SLC37A3: variants seen among roughly 807,000 people sequenced by gnomAD.
SLC37A3 encodes solute carrier family 37 member 3, also known as sugar phosphate exchanger 3.
SLC37A3 carries 51 observed loss-of-function variants against 67.1 expected under a neutral mutation model. That is an observed-to-expected ratio of 0.76 (90% confidence interval 0.61 to 0.96). SLC37A3 has a LOEUF of 0.96. SLC37A3 is among the 40% of genes least tolerant of loss of function. SLC37A3 has a pLI of 0.00. For synonymous variants in SLC37A3, 214 were observed against 231.4 expected (o/e 0.92, Z 0.68); for missense variants, 508 against 603.0 (o/e 0.84, Z 1.65).
chr7:140,347,208 G>A (rs1796597438), intron 10 of SLC37A3, among the ~76,000 whole-genome samples: 1 of 145,690 alleles, frequency 6.9e-6, no homozygotes, highest in Admixed American at 7.0e-5. Flanking sequence ...CCAAGATCGT[G>A]CCACTCCAGC....
chr7:140,353,354 A>G (rs1354144660), intron 7 of SLC37A3, among the ~76,000 whole-genome samples: 1 of 151,818 alleles, frequency 6.6e-6, no homozygotes, highest in Admixed American at 6.6e-5. Context: ...GTGGTGGCGT[A>G]CACCTGTAAT....
chr7:140,382,055 A>T (rs1470395946), intron 2 of SLC37A3, among the ~76,000 whole-genome samples: 1 of 151,902 alleles, frequency 6.6e-6, no homozygotes, highest in African/African-American at 2.4e-5. Context: ...TTAAAAAAAA[A>T]AAAGTACAAA....
At chr7:140,364,760 C>T (rs142417900) in intron 4 of SLC37A3, among the ~76,000 whole-genome samples, 8 of 151,094 alleles carry the variant, frequency 5.3e-5, no homozygotes, top group Non-Finnish European at 1.0e-4. Context: ...GCAGCGGGCA[C>T]ACTCTACCAC....
At chr7:140,377,221 T>G (rs1000332899) in intron 3 of SLC37A3, among the ~76,000 whole-genome samples, 144 of 151,296 alleles carry the variant, frequency 9.5e-4, no homozygotes, top group Non-Finnish European at 1.7e-3. Context: ...TTTTTTTTTT[T>G]GTTTTGTTTT....
intron 4 of SLC37A3, among the ~76,000 whole-genome samples, chr7:140,369,064 C>CA (rs1211280831): frequency 6.6e-6 from 1 of 152,064 alleles, no homozygotes; most frequent in Non-Finnish European, 1.5e-5. Context: ...CCAAAGGTAC[C>CA]AAAACCCTAC....
chr7:140,358,985 C>CAG (rs1007800685), intron 5 of SLC37A3, among the ~76,000 whole-genome samples, 200 bp from the exon 6 acceptor site: 1 of 152,108 alleles, frequency 6.6e-6, no homozygotes, highest in African/African-American at 2.4e-5. Context: ...CACTGCCCAC[C>CAG]AGAGAGGAGG....
chr7:140,393,537 T>C (rs1448841299), intron 1 of SLC37A3, among the ~76,000 whole-genome samples: 4 of 152,128 alleles, frequency 2.6e-5, no homozygotes, highest in Non-Finnish European at 4.4e-5. Flanking sequence ...CCATCAAGCC[T>C]CCTCTTGCTT....
intron 1 of SLC37A3, among the ~76,000 whole-genome samples, chr7:140,390,002 T>C (rs1798662386): frequency 6.6e-6 from 1 of 151,942 alleles, no homozygotes; most frequent in African/African-American, 2.4e-5. Context: ...GGCAGGAGGA[T>C]CACTTGAGGC....
chr7:140,351,520 T>C, intron 8 of SLC37A3, 69 bp from the exon 9 acceptor site: 1 of 1,434,902 alleles, frequency 7.0e-7, no homozygotes, highest in Non-Finnish European at 9.5e-7. Context: ...CATACATCCC[T>C]ACTTATGAGG....
intron 13 of SLC37A3, among the ~76,000 whole-genome samples, chr7:140,338,057 AT>A (rs1459000522): frequency 6.6e-6 from 1 of 151,714 alleles, no homozygotes; most frequent in African/African-American, 2.4e-5. Context: ...CACCCGGCCA[AT>A]TTTTTGTATT....
At chr7:140,397,148 C>T (rs1798967017) in intron 1 of SLC37A3, among the ~76,000 whole-genome samples, 1 of 138,974 alleles carries the variant, frequency 7.2e-6, no homozygotes, top group South Asian at 2.5e-4. Context: ...TGCAGTGAGC[C>T]GAGATGGTGC....
intron 3 of SLC37A3, among the ~76,000 whole-genome samples, chr7:140,373,680 T>C (rs1035320393): frequency 9.8e-6 from 1 of 101,744 alleles, no homozygotes; most frequent in East Asian, 2.6e-4. Context: ...TTTTTTTCTT[T>C]TTTTTTTTTT....
Position 140,369,665 on chromosome 7 carries a change from A to G in SLC37A3, c.216T>C (p.His72=). Residue 72 remains histidine (H), a synonymous_variant, in exon 4 of 15, where the codon CAT becomes CAC. Coordinates refer to ENST00000326232, the MANE Select transcript of SLC37A3 (RefSeq NM_207113.3). The stretch of plus-strand genomic sequence containing the variant: ...TCGCTTTCTCTGCACTGGGGAACAA[A>G]TGGTTGCTGCTCCAGATCTACAGTA... The part of the protein sequence containing the change: ...ELPVEIWSSN[H]LFPSAEKATL... 1 of 1,613,996 alleles carries G rather than the reference A, an allele frequency of 6.2e-7. No individual in the cohort carries two copies. The highest frequency in any genetic ancestry group is 8.5e-7 in the Non-Finnish European group (1 of 1,179,980).
intron 3 of SLC37A3, among the ~76,000 whole-genome samples, chr7:140,372,230 A>G (rs958689974): frequency 6.6e-6 from 1 of 152,206 alleles, no homozygotes; most frequent in Non-Finnish European, 1.5e-5. Context: ...CCCTGAGGGA[A>G]ACGGAAAGGT....
rs34778426 is a variant in SLC37A3, at chr7:140,357,910, C to CA, written c.521+729dup. Among the ~76,000 whole-genome samples, 1,090 of 132,446 alleles carry CA rather than the reference C, an allele frequency of 8.2e-3. 9 individuals are homozygous for CA. The highest frequency in any genetic ancestry group is 0.026 in the African/African-American group (913 of 35,622). The allele number at this position is 132,446 out of a possible 152,430, so 86.9% of individuals were successfully genotyped here. A position where few individuals can be genotyped will look rare whatever the true frequency, so the allele number is the denominator to read the frequency against. ...GGGCAACAAGAGCAAAACTCCATCT[C>CA]AAAAAAAAAAAAAAAATTAGCTGGA... On this transcript the variant is annotated intron_variant, in intron 6 of 14. Transcript: ENST00000326232.
At chr7:140,339,109 T>C (rs936266712) in intron 13 of SLC37A3, among the ~76,000 whole-genome samples, 1 of 152,100 alleles carries the variant, frequency 6.6e-6, no homozygotes, top group Non-Finnish European at 1.5e-5. Flanking sequence ...TTCCCTTCAT[T>C]TCTTTTTAAT....
intron 7 of SLC37A3, among the ~76,000 whole-genome samples, chr7:140,353,316 C>T (rs1458542884): frequency 6.6e-6 from 1 of 151,872 alleles, no homozygotes; most frequent in Non-Finnish European, 1.5e-5. Context: ...AACCCCATCT[C>T]TACTAAAAAT....
chr7:140,365,347 C>A (rs1159023995), intron 4 of SLC37A3, among the ~76,000 whole-genome samples: 3 of 152,018 alleles, frequency 2.0e-5, no homozygotes, highest in Non-Finnish European at 4.4e-5. Flanking sequence ...GTAATCCTAG[C>A]ACTTTGGGAG....
At chr7:140,362,119 G>A (rs1027148512) in intron 5 of SLC37A3, among the ~76,000 whole-genome samples, 31 of 119,334 alleles carry the variant, frequency 2.6e-4, no homozygotes, top group African/African-American at 9.1e-4. Context: ...GCCTCTTCCC[G>A]GCCGCCATCC....
Sources: allele counts gnomAD v4.1 joint callset (sites outside exome capture counted in the v4.1 genomes callset), GRCh38; gene constraint gnomAD v4.1.1; transcripts MANE v1.5; gene names NCBI Gene and HGNC (gene_info 2026-07-23, HGNC 2026-07-21).